Variants in SPATA9 observed in about 807,000 individuals in gnomAD.
SPATA9 encodes spermatogenesis-associated protein 9.
In SPATA9, 27 loss-of-function variants were observed where a neutral mutation model predicts 25.5. That is an observed-to-expected ratio of 1.06 (90% CI 0.78 to 1.46). The LOEUF is 1.46. Ranked by LOEUF, SPATA9 falls within the 40% of genes most tolerant of loss-of-function variation. SPATA9 has a pLI of 0.00. For synonymous variants in SPATA9, 102 were observed against 105.7 expected (o/e 0.97, Z 0.21); for missense variants, 282 against 297.5 (o/e 0.95, Z 0.38).
At chr5:95,723,040 C>T in the SPATA9 span, among the ~76,000 whole-genome samples, 1 of 152,224 alleles carries the variant, frequency 6.6e-6, no homozygotes, top group African/African-American at 2.4e-5. Context: ...CAAACATAGA[C>T]ATTTTCTGAA....
chr5:95,678,188 C>A (rs1425226579), intron 2 of SPATA9, among the ~76,000 whole-genome samples: 1 of 152,210 alleles, frequency 6.6e-6, no homozygotes, highest in Non-Finnish European at 1.5e-5. Flanking sequence ...ACCAGCCTGG[C>A]CAACCTGGTG....
At chr5:95,665,927 C>T (rs903009566) in intron 3 of SPATA9, among the ~76,000 whole-genome samples, 1 of 152,210 alleles carries the variant, frequency 6.6e-6, no homozygotes, top group African/African-American at 2.4e-5. Flanking sequence ...TGAAATCATG[C>T]CATTGCACTC....
chr5:95,658,493 T>G lies in SPATA9; in HGVS notation c.*130A>C. On this transcript the variant is annotated 3_prime_UTR_variant, in exon 5 of 5. Transcript: ENST00000274432. ...TAAATACTAGAAAATGACATTTTAA[T>G]AGTAGCCCCCTTCTCTTTTTTTTAA... 1 of 635,236 alleles carries G rather than the reference T, an allele frequency of 1.6e-6. No homozygotes were observed. Among genetic ancestry groups the G allele is most frequent in the Non-Finnish European group, 2.1e-6 (1 of 467,868 alleles). The allele number at this position is 635,236 out of a possible 1,614,324, so 39.3% of individuals were successfully genotyped here.
the SPATA9 span, chr5:95,731,498 C>G: frequency 4.8e-6 from 6 of 1,245,406 alleles, no homozygotes; most frequent in East Asian, 6.9e-5. Flanking sequence ...CCCTGGTCCC[C>G]GGCTCGCTCG....
the SPATA9 span, among the ~76,000 whole-genome samples, chr5:95,712,167 T>G: frequency 6.6e-6 from 1 of 152,206 alleles, no homozygotes. Context: ...GACATTCACA[T>G]AAGATTTATA....
chr5:95,731,132 A>G, the SPATA9 span: 2 of 1,024,786 alleles, frequency 2.0e-6, no homozygotes, highest in Non-Finnish European at 1.2e-6. Context: ...ATTAATTTAT[A>G]TTCCGCGGCG....
chr5:95,731,905 C>G, the SPATA9 span: 10 of 1,614,088 alleles, frequency 6.2e-6, no homozygotes, highest in Admixed American at 1.5e-4. Context: ...CACATTCCAC[C>G]AGGACAACCG....
intron 2 of SPATA9, among the ~76,000 whole-genome samples, chr5:95,677,733 A>G (rs1213662500): frequency 3.3e-5 from 5 of 152,188 alleles, no homozygotes; most frequent in African/African-American, 1.2e-4. Context: ...TACAACTTCT[A>G]TTTTGTAGTA....
At chr5:95,654,511 T>G (rs887971137), downstream of SPATA9, 4 of 650,096 alleles carry the variant, frequency 6.2e-6, no homozygotes, top group South Asian at 6.6e-5. Context: ...AGAAATATGC[T>G]TATCTTTTGA....
rs757639123 is a variant in SPATA9, at chr5:95,682,598, G to A, written c.80C>T (p.Ala27Val). 2.4e-5 allele frequency: 38 copies of A among 1,613,296 alleles called. No homozygotes were observed. The African/African-American group carries it at 4.7e-4, about 20-fold the overall frequency. Reference sequence around the variant, plus strand: ...AAACTCATCTACAAGGTCCATGATTGCTTTCTGGATCCCCTCGACTAAGAC... The same window carrying A: ...AAACTCATCTACAAGGTCCATGATTACTTTCTGGATCCCCTCGACTAAGAC... Reference protein sequence around the residue: ...FSGRIEGIQKAIMDLVDEFKD... With the variant: ...FSGRIEGIQKVIMDLVDEFKD... Residue 27 changes from alanine to valine, a missense_variant, in exon 2 of 5, where the codon GCA becomes GTA. Transcript: ENST00000274432.
intron 2 of SPATA9, among the ~76,000 whole-genome samples, chr5:95,680,541 T>C (rs1753356291): frequency 6.6e-6 from 1 of 152,210 alleles, no homozygotes. Flanking sequence ...TTCTCTTCTT[T>C]TCTCTGATGC....
At chr5:95,721,693 T>TAAA in the SPATA9 span, among the ~76,000 whole-genome samples, 53 of 132,188 alleles carry the variant, frequency 4.0e-4, no homozygotes, top group Non-Finnish European at 6.1e-4. Context: ...CTGAGAGCAT[T>TAAA]AAAAAAAAAA....
chr5:95,673,363 G>A (rs138835927), intron 3 of SPATA9, among the ~76,000 whole-genome samples: 52 of 127,918 alleles, frequency 4.1e-4, no homozygotes, highest in Middle Eastern at 7.6e-3. Context: ...CCCAAGGCTC[G>A]TTGTGTGTGT....
chr5:95,699,902 C>T (rs1223694178), upstream of SPATA9, among the ~76,000 whole-genome samples: 2 of 152,132 alleles, frequency 1.3e-5, no homozygotes, highest in African/African-American at 4.8e-5. Flanking sequence ...TACTTTGTGT[C>T]AGACACCATG....
At chr5:95,710,290 C>T in the SPATA9 span, among the ~76,000 whole-genome samples, 72 of 152,190 alleles carry the variant, frequency 4.7e-4, no homozygotes, top group Non-Finnish European at 6.3e-4. Flanking sequence ...TGGATAGTAG[C>T]TGGATTCAAA....
chr5:95,678,315 C>T (rs1195028854), intron 2 of SPATA9, among the ~76,000 whole-genome samples: 4 of 152,046 alleles, frequency 2.6e-5, no homozygotes, highest in Non-Finnish European at 4.4e-5. Flanking sequence ...AGGCAGAGGT[C>T]GCAGTGAGTG....
chr5:95,708,805 G>A, the SPATA9 span: 1 of 593,212 alleles, frequency 1.7e-6, no homozygotes, highest in Non-Finnish European at 3.0e-6. Context: ...GGAAGTACCG[G>A]CCCTCCAAGT....
At chr5:95,666,519 A>C (rs2112582912) in intron 3 of SPATA9, among the ~76,000 whole-genome samples, 1 of 152,334 alleles carries the variant, frequency 6.6e-6, no homozygotes, top group South Asian at 2.1e-4. Flanking sequence ...ATGTCTGTGC[A>C]TGGGTAGTAT....
At position 95,664,062 on chromosome 5, in the gene SPATA9, A is replaced by G. The variant is rs769122219; in HGVS notation, c.379-14T>C. On this transcript the variant is annotated splice_polypyrimidine_tract_variant and intron_variant, in intron 3 of 4. Coordinates refer to ENST00000274432, the MANE Select transcript of SPATA9 (RefSeq NM_031952.4). ...ACCCTTTCTGACCTGCAAAAACAGA[A>G]AAGATTTTCTTAATAAACAAACATT... The G allele has an allele frequency of 4.0e-6, 6 of 1,485,078 alleles. No individual in the cohort carries two copies. In the South Asian group the frequency reaches 8.0e-5, roughly 20 times the overall value. 92.0% of individuals were successfully genotyped at this position (1,485,078 alleles called of 1,614,324 possible). A position where few individuals can be genotyped will look rare whatever the true frequency, so the allele number is the denominator to read the frequency against.
Sources: gnomAD v4.1 joint callset for allele counts (sites outside exome capture counted in the v4.1 genomes callset) on GRCh38, gnomAD v4.1.1 for gene constraint, MANE v1.5 for transcripts, NCBI Gene and HGNC (gene_info 2026-07-23, HGNC 2026-07-21) for gene names.